Variants in C19orf47 observed in about 807,000 individuals in gnomAD.
C19orf47 encodes uncharacterized protein C19orf47.
Under a neutral mutation model 32.3 loss-of-function variants are expected in C19orf47, and 18 were observed. The ratio of observed to expected loss-of-function variants is 0.56; its 90% CI spans 0.39 to 0.83. The LOEUF (loss-of-function observed/expected upper bound fraction) is 0.83. Ranked by LOEUF, C19orf47 falls within the 40% of genes least tolerant of loss-of-function variation. C19orf47 has a pLI of 0.00. For missense variants in C19orf47, 484 were observed against 531.6 expected, an observed-to-expected ratio of 0.91 and a Z score of 0.88; for synonymous variants, 202 against 211.1, an observed-to-expected ratio of 0.96 and a Z score of 0.37.
At chr19:40,299,693 C>T in the C19orf47 span, 1 of 152,186 alleles carries the variant, frequency 6.6e-6, no homozygotes, top group East Asian at 1.9e-4. Flanking sequence ...CCAGTTGAGC[C>T]CCTGGGAAAG....
At chr19:40,348,425 G>A (rs760010676), upstream of C19orf47, 2 of 1,496,098 alleles carry the variant, frequency 1.3e-6, no homozygotes, top group African/African-American at 1.4e-5. Flanking sequence ...CGCCCCGGAA[G>A]CATCCTCTCA....
At chr19:40,307,115 T>TG in the C19orf47 span, among the ~76,000 whole-genome samples, 3 of 66,756 alleles carry the variant, frequency 4.5e-5, no homozygotes, top group African/African-American at 1.3e-4. Context: ...TTTTTTTTTT[T>TG]GAGACGAAGT....
intron 1 of C19orf47, among the ~76,000 whole-genome samples, chr19:40,343,156 C>T (rs565865327): frequency 5.3e-5 from 8 of 152,250 alleles, no homozygotes; most frequent in Admixed American, 2.0e-4. Context: ...TTCCCTGACC[C>T]GGCTCCTCTG....
At chr19:40,328,619 G>A (rs1444984373) in intron 5 of C19orf47, 69 bp from the exon 6 acceptor site, 3 of 1,521,730 alleles carry the variant, frequency 2.0e-6, no homozygotes, top group Non-Finnish European at 2.6e-6. Context: ...AGCAGTCTCA[G>A]GGTCAGGATG....
At chr19:40,348,034 C>A (rs2078356500) in intron 1 of C19orf47, among the ~76,000 whole-genome samples, 1 of 152,094 alleles carries the variant, frequency 6.6e-6, no homozygotes, top group African/African-American at 2.4e-5. Context: ...TCATACTAAG[C>A]GCTCAAACAT....
intron 7 of C19orf47, chr19:40,324,497 T>C (rs569790793): frequency 1.6e-4 from 26 of 166,680 alleles, no homozygotes; most frequent in Non-Finnish European, 6.5e-5. Flanking sequence ...CTGGAAATAA[T>C]AAACAACCAT....
the C19orf47 span, among the ~76,000 whole-genome samples, chr19:40,294,126 A>G: frequency 6.6e-6 from 1 of 152,126 alleles, no homozygotes; most frequent in African/African-American, 2.4e-5. Context: ...TCTCCAAAAA[A>G]AACGGGTAGC....
chr19:40,328,688 TG>T, intron 5 of C19orf47, 138 bp from the exon 6 acceptor site: 1 of 1,165,796 alleles, frequency 8.6e-7, no homozygotes, highest in African/African-American at 1.6e-5. Context: ...TGTAACTGCA[TG>T]GTACTCGTGA....
At chr19:40,294,426 A>AT in the C19orf47 span, among the ~76,000 whole-genome samples, 263 of 144,596 alleles carry the variant, frequency 1.8e-3, no homozygotes, top group Middle Eastern at 3.5e-3. Context: ...TTGTTTGGTT[A>AT]TTTTTTTTTT....
At chr19:40,299,898 G>A in the C19orf47 span, among the ~76,000 whole-genome samples, 1 of 151,958 alleles carries the variant, frequency 6.6e-6, no homozygotes, top group African/African-American at 2.4e-5. Context: ...GCGTGGTGAC[G>A]GGCACCTATA....
intron 1 of C19orf47, among the ~76,000 whole-genome samples, chr19:40,342,791 G>A (rs573969725): frequency 2.6e-5 from 4 of 152,290 alleles, no homozygotes; most frequent in East Asian, 1.9e-4. Context: ...CAAGTCCAGC[G>A]CCCTGAGCCA....
intron 2 of C19orf47, among the ~76,000 whole-genome samples, chr19:40,339,728 T>C (rs1274674685): frequency 2.6e-5 from 4 of 151,884 alleles, no homozygotes; most frequent in Non-Finnish European, 4.4e-5. Flanking sequence ...TCCCAGCACT[T>C]TGGGAGGCCG....
At chr19:40,324,812 G>C (rs1038408611) in intron 7 of C19orf47, 3 of 152,122 alleles carry the variant, frequency 2.0e-5, no homozygotes, top group Admixed American at 2.0e-4. Context: ...TTAGAAACCA[G>C]AATTTAAAAA....
At chr19:40,311,151 C>T in the C19orf47 span, among the ~76,000 whole-genome samples, 2 of 151,924 alleles carry the variant, frequency 1.3e-5, no homozygotes, top group Non-Finnish European at 1.5e-5. Flanking sequence ...CCGAGGCGGG[C>T]GGATCACCTG....
chr19:40,334,025 A>G, intron 4 of C19orf47, 96 bp from the exon 5 acceptor site: 1 of 876,172 alleles, frequency 1.1e-6, no homozygotes, highest in South Asian at 1.9e-5. Flanking sequence ...CCTGACTGCT[A>G]GAGAAGATTC....
chr19:40,342,234 C>A, intron 1 of C19orf47: 1 of 323,336 alleles, frequency 3.1e-6, no homozygotes, highest in Non-Finnish European at 5.3e-6. Flanking sequence ...GCCTGTAATC[C>A]CAGGACTTTG....
At chr19:40,317,215 G>A (rs1236725666), downstream of C19orf47, among the ~76,000 whole-genome samples, 1 of 152,000 alleles carries the variant, frequency 6.6e-6, no homozygotes, top group Non-Finnish European at 1.5e-5. Flanking sequence ...GGGCTCAAGG[G>A]ATCCTCCCAC....
In C19orf47 at chr19:40,322,036, C is replaced by G; in HGVS notation, c.1004G>C (p.Ser335Thr). Reference sequence around the variant, plus strand: ...CTCGGCTGAGGACTTACTCTTGGTGCTGGTGACCTGGCTGTCCTGGGCCTC... The same window carrying G: ...CTCGGCTGAGGACTTACTCTTGGTGGTGGTGACCTGGCTGTCCTGGGCCTC... ...VPEAQDSQVTSTKSKSSAEVK... is the reference protein window; with the variant it reads ...VPEAQDSQVTTTKSKSSAEVK... The change falls in exon 9 of 9, where the codon AGC becomes ACC. Residue 335 changes from serine to threonine, a missense_variant. This residue lies in a region of C19orf47 where 51 missense variants were observed against 74.5 expected (regional missense o/e 0.68). Transcript: ENST00000683109. The G allele has an allele frequency of 6.2e-7, 1 of 1,614,186 alleles. No individual in the cohort carries two copies.
the C19orf47 span, among the ~76,000 whole-genome samples, chr19:40,297,285 G>A: frequency 6.6e-6 from 1 of 152,164 alleles, no homozygotes; most frequent in African/African-American, 2.4e-5. Context: ...GAATAGTGGG[G>A]ACAGGCACAG....
Sources: gnomAD v4.1 joint callset for allele counts (sites outside exome capture counted in the v4.1 genomes callset) on GRCh38, gnomAD v4.1.1 for gene constraint, gnomAD v4.1.1 regional missense constraint, MANE v1.5 for transcripts, NCBI Gene and HGNC (gene_info 2026-07-23, HGNC 2026-07-21) for gene names.